Variants in SSBP2 observed in about 807,000 individuals in gnomAD.
SSBP2 encodes single stranded DNA binding protein 2.
SSBP2 carries 17 observed loss-of-function variants against 61.8 expected under a neutral mutation model. The ratio of observed to expected loss-of-function variants is 0.28; its 90% CI spans 0.19 to 0.41. SSBP2 has a LOEUF of 0.41. Ranked by LOEUF, SSBP2 falls within the 10% of genes least tolerant of loss-of-function variation. The pLI is 1.00. For missense variants in SSBP2, 310 were observed against 458.7 expected (o/e 0.68, Z 2.96); for synonymous variants, 139 against 141.3 (o/e 0.98, Z 0.12).
intron 1 of SSBP2, among the ~76,000 whole-genome samples, chr5:81,731,875 CAG>C (rs1343683454): frequency 6.6e-6 from 1 of 151,070 alleles, no homozygotes; most frequent in East Asian, 1.9e-4. Context: ...TTAACTTAAA[CAG>C]AGAAATGAAA....
chr5:81,476,282 CAATT>C (rs1580781039), intron 6 of SSBP2, among the ~76,000 whole-genome samples: 1 of 152,128 alleles, frequency 6.6e-6, no homozygotes, highest in East Asian at 1.9e-4. Context: ...TCCAAGATCT[CAATT>C]AATTTTGCCA....
chr5:81,448,771 C>A lies in SSBP2; in HGVS notation c.723+19G>T, dbSNP rs1398074670. ...TGTAACATCAATTCTTATAAGCAAACAAACCCAAATGTACTTACTACATAA... is the reference window on the plus strand; with the variant it reads ...TGTAACATCAATTCTTATAAGCAAAAAAACCCAAATGTACTTACTACATAA... On this transcript the variant is annotated intron_variant, in intron 11 of 16. Transcript: ENST00000320672. The A allele has an allele frequency of 6.2e-7, 1 of 1,610,500 alleles. No homozygotes were observed. Among genetic ancestry groups the A allele is most frequent in the Non-Finnish European group, 8.5e-7 (1 of 1,177,764 alleles).
At chr5:81,731,352 G>C (rs1304708093) in intron 1 of SSBP2, among the ~76,000 whole-genome samples, 5 of 151,946 alleles carry the variant, frequency 3.3e-5, no homozygotes, top group Non-Finnish European at 7.4e-5. Flanking sequence ...TATTTTCATG[G>C]GGCAGAATTA....
In SSBP2 at chr5:81,712,293, A is replaced by G. The variant is rs376135156; in HGVS notation, c.62+38688T>C. On this transcript the variant is annotated intron_variant, in intron 1 of 16. Coordinates refer to ENST00000320672, the MANE Select transcript of SSBP2 (RefSeq NM_012446.5). ...ACCCTCCAGCCACATAACAGTTAAGAATATGCCTTTGTCATCTATCATATG... is the reference window on the plus strand; with the variant it reads ...ACCCTCCAGCCACATAACAGTTAAGGATATGCCTTTGTCATCTATCATATG... Among the ~76,000 whole-genome samples the G allele has an allele frequency of 2.2e-4, 34 of 151,962 alleles. No individual in the cohort carries two copies. In the East Asian group the frequency reaches 6.4e-3, roughly 29 times the overall value.
At chr5:81,471,531 T>C (rs1765245292) in intron 8 of SSBP2, among the ~76,000 whole-genome samples, 3 of 151,976 alleles carry the variant, frequency 2.0e-5, no homozygotes, top group Admixed American at 1.3e-4. Flanking sequence ...TTGGTTGGCT[T>C]AGTTTATTAA....
chr5:81,414,043 AGGAAC>A lies in SSBP2; in HGVS notation c.*6456_*6460del, dbSNP rs1761223117. 6.6e-6 allele frequency: 1 copy of A among 152,176 alleles called. No individual in the cohort carries two copies. Among genetic ancestry groups the A allele is most frequent in the Non-Finnish European group, 1.5e-5 (1 of 68,004 alleles). The allele number at this position is 152,176 out of a possible 1,614,324, so 9.4% of individuals were successfully genotyped here. A position where few individuals can be genotyped will look rare whatever the true frequency, so the allele number is the denominator to read the frequency against. On this transcript the variant is annotated 3_prime_UTR_variant, in exon 17 of 17. Coordinates refer to ENST00000320672, the MANE Select transcript of SSBP2 (RefSeq NM_012446.5). ...GTAAGTCCTTTACATCATTTTTTCT[AGGAAC>A]ATTAATAGTTGCCTTTGTTATGATA...
chr5:81,516,808 A>G (rs1769058131), intron 4 of SSBP2, among the ~76,000 whole-genome samples: 1 of 152,032 alleles, frequency 6.6e-6, no homozygotes, highest in Admixed American at 6.6e-5. Context: ...AAGTTTTTGG[A>G]ATTAGAAATT....
chr5:81,431,634 G>C (rs1244473534), intron 15 of SSBP2, among the ~76,000 whole-genome samples: 1 of 151,870 alleles, frequency 6.6e-6, no homozygotes, highest in Non-Finnish European at 1.5e-5. Context: ...ACCTAGGCTG[G>C]AATACAGTGG....
chr5:81,663,737 A>G (rs1257257217), intron 1 of SSBP2, among the ~76,000 whole-genome samples: 1 of 152,210 alleles, frequency 6.6e-6, no homozygotes, highest in African/African-American at 2.4e-5. Context: ...TCTATTACCT[A>G]TTAAAGAACC....
chr5:81,464,514 G>T (rs542559037), intron 9 of SSBP2, among the ~76,000 whole-genome samples: 52 of 152,086 alleles, frequency 3.4e-4, no homozygotes, highest in South Asian at 1.7e-3. Flanking sequence ...AAACAATAAG[G>T]TTACCAAATT....
At chr5:81,686,947 G>T (rs1014871371) in intron 1 of SSBP2, among the ~76,000 whole-genome samples, 4 of 150,690 alleles carry the variant, frequency 2.7e-5, no homozygotes, top group Admixed American at 2.0e-4. Flanking sequence ...GAGAAAGATG[G>T]CCAAATAGAA....
intron 5 of SSBP2, among the ~76,000 whole-genome samples, chr5:81,495,974 G>A (rs1767246986): frequency 6.6e-6 from 1 of 152,018 alleles, no homozygotes; most frequent in Admixed American, 6.6e-5. Context: ...AACAATCAAT[G>A]ATGAAGAAAA....
chr5:81,473,825 G>A, intron 7 of SSBP2, 55 bp from the exon 8 acceptor site: 1 of 1,494,518 alleles, frequency 6.7e-7, no homozygotes, highest in Non-Finnish European at 9.3e-7. Flanking sequence ...CTAAACCAGA[G>A]GCTAGCAGCT....
intron 3 of SSBP2, 72 bp downstream of exon 3, chr5:81,636,485 C>T: frequency 2.6e-6 from 3 of 1,146,042 alleles, no homozygotes; most frequent in African/African-American, 1.6e-5. Context: ...AGCATGAAAT[C>T]ATAAACAGGT....
chr5:81,459,502 G>A (rs887975105), intron 10 of SSBP2, among the ~76,000 whole-genome samples: 5 of 152,204 alleles, frequency 3.3e-5, no homozygotes, highest in Non-Finnish European at 5.9e-5. Flanking sequence ...TGACAATGAG[G>A]AATAAGAGAA....
intron 3 of SSBP2, among the ~76,000 whole-genome samples, chr5:81,621,795 T>C (rs1350598267): frequency 3.8e-5 from 4 of 105,616 alleles, no homozygotes; most frequent in Non-Finnish European, 7.6e-5. Flanking sequence ...GATGAGTTCA[T>C]GTCCTTTGTA....
chr5:81,462,984 ATG>A (rs1051054475), intron 9 of SSBP2, among the ~76,000 whole-genome samples: 2 of 152,026 alleles, frequency 1.3e-5, no homozygotes, highest in Non-Finnish European at 2.9e-5. Flanking sequence ...GCTAACCTAA[ATG>A]TTAAAATAAT....
intron 4 of SSBP2, among the ~76,000 whole-genome samples, chr5:81,571,310 A>G (rs1581053445): frequency 1.3e-5 from 2 of 151,232 alleles, no homozygotes; most frequent in South Asian, 4.2e-4. Flanking sequence ...TCTTTTCTTT[A>G]TTTTTTGAAG....
In SSBP2 at chr5:81,515,300, A is replaced by G. The variant is rs971662664; in HGVS notation, c.283-1583T>C. On this transcript the variant is annotated intron_variant, in intron 4 of 16. Coordinates refer to ENST00000320672, the MANE Select transcript of SSBP2 (RefSeq NM_012446.5). ...TTACTGTCATGTAGAAGTTGCTCTT[A>G]GTATGAAAAGCTAGACATAGCCTAT... 2.0e-5 allele frequency among the ~76,000 whole-genome samples: 3 copies of G among 152,116 alleles called. No individual in the cohort carries two copies. In the South Asian group the frequency reaches 6.2e-4, roughly 32 times the overall value.
Sources: gnomAD v4.1 joint callset for allele counts (sites outside exome capture counted in the v4.1 genomes callset) on GRCh38, gnomAD v4.1.1 for gene constraint, MANE v1.5 for transcripts, NCBI Gene and HGNC (gene_info 2026-07-23, HGNC 2026-07-21) for gene names.